TDRD7: variants seen among roughly 807,000 people sequenced by gnomAD.
TDRD7 encodes the protein tudor domain containing 7.
Under a neutral mutation model 109.8 loss-of-function variants are expected in TDRD7, and 47 were observed. The ratio of observed to expected loss-of-function variants is 0.43; its 90% CI spans 0.34 to 0.55. TDRD7 has a LOEUF of 0.55. Among genes scored for constraint, TDRD7 ranks in the 20% least tolerant of loss-of-function variants. The pLI is 0.03. For missense variants in TDRD7, 1,164 were observed against 1,319.2 expected (o/e 0.88, Z 1.82); for synonymous variants, 424 against 457.3 (o/e 0.93, Z 0.93).
At chr9:97,430,086 G>A (rs1485642139) in intron 2 of TDRD7, among the ~76,000 whole-genome samples, 2 of 152,074 alleles carry the variant, frequency 1.3e-5, no homozygotes, top group African/African-American at 4.8e-5. Context: ...AAGCCTCATT[G>A]TTTTCCTGTT....
chr9:97,420,363 T>TG (rs1445618916), intron 1 of TDRD7, among the ~76,000 whole-genome samples: 3 of 5,036 alleles, frequency 6.0e-4, no homozygotes, highest in Admixed American at 3.3e-3. Flanking sequence ...GAACTTTTTT[T>TG]TGGGGGGGGC....
chr9:97,432,898 TTTA>T (rs1481338212), intron 4 of TDRD7, among the ~76,000 whole-genome samples: 1 of 152,162 alleles, frequency 6.6e-6, no homozygotes, highest in African/African-American at 2.4e-5. Flanking sequence ...TAAATTAAGT[TTTA>T]TTAGAACATG....
At chr9:97,438,211 T>C (rs1828237447) in intron 4 of TDRD7, among the ~76,000 whole-genome samples, 1 of 152,194 alleles carries the variant, frequency 6.6e-6, no homozygotes, top group Admixed American at 6.5e-5. Context: ...TATATTAATA[T>C]AGAAATAGGA....
chr9:97,419,038 A>G (rs1047943119), intron 1 of TDRD7, among the ~76,000 whole-genome samples: 1 of 152,212 alleles, frequency 6.6e-6, no homozygotes, highest in South Asian at 2.1e-4. Flanking sequence ...AGATATATTG[A>G]ACAGTCTAAT....
intron 6 of TDRD7, among the ~76,000 whole-genome samples, chr9:97,459,565 A>G (rs1828673976): frequency 1.3e-5 from 2 of 152,246 alleles, no homozygotes. Context: ...TGGCATGCAA[A>G]TGAAATTCAA....
chr9:97,439,145 A>T, intron 4 of TDRD7, 100 bp from the exon 5 acceptor site: 1 of 786,102 alleles, frequency 1.3e-6, no homozygotes, highest in Non-Finnish European at 1.9e-6. Flanking sequence ...TTTTGCTGTT[A>T]AATGCCACTG....
At chr9:97,454,017 A>G (rs1377830504) in intron 6 of TDRD7, among the ~76,000 whole-genome samples, 1 of 152,206 alleles carries the variant, frequency 6.6e-6, no homozygotes, top group Non-Finnish European at 1.5e-5. Context: ...GATATTCAGG[A>G]CTTGAACTCA....
intron 15 of TDRD7, among the ~76,000 whole-genome samples, chr9:97,486,783 C>G (rs1208331938): frequency 6.6e-6 from 1 of 152,090 alleles, no homozygotes; most frequent in Non-Finnish European, 1.5e-5. Context: ...AAGCATGTAC[C>G]ATATCCAAAC....
chr9:97,450,045 G>A (rs182605769), intron 6 of TDRD7, among the ~76,000 whole-genome samples: 99 of 152,186 alleles, frequency 6.5e-4, no homozygotes, highest in Admixed American at 8.5e-4. Flanking sequence ...ATGAACTTAC[G>A]GGAATAGAAA....
rs1236015928 is a variant in TDRD7, at chr9:97,487,354, C to T, written c.3076+22C>T. ...GCAGGTAATTTCTGTGGAATCTGAA[C>T]TCATGCTACAACAATGCAATATTGT... is the stretch of plus-strand genomic sequence containing the variant. On this transcript the variant is annotated intron_variant, in intron 16 of 16. Transcript: ENST00000355295. The T allele has an allele frequency of 1.9e-6, 3 of 1,613,692 alleles. No homozygotes were observed. The Admixed American group carries it at 5.0e-5, about 27-fold the overall frequency.
At position 97,469,318 on chromosome 9, in the gene TDRD7, A is replaced by G. The variant is rs117373710; in HGVS notation, c.1630-1240A>G. 7.9e-4 allele frequency among the ~76,000 whole-genome samples: 121 copies of G among 152,340 alleles called. No homozygotes were observed. The East Asian group carries it at 0.02, about 25-fold the overall frequency. ...CAGCTGCCTGACATGCAGCCCTACC[A>G]GCGATCTAGGCCTAAGTCAGTGTTG... is the stretch of plus-strand genomic sequence containing the variant. On this transcript the variant is annotated intron_variant, in intron 8 of 16. Coordinates refer to ENST00000355295, the MANE Select transcript of TDRD7 (RefSeq NM_014290.3).
At chr9:97,473,381 G>T (rs1828955098) in intron 10 of TDRD7, 111 bp from the exon 11 acceptor site, 4 of 1,447,938 alleles carry the variant, frequency 2.8e-6, no homozygotes, top group Non-Finnish European at 3.9e-6. Context: ...CTAACTTAAA[G>T]ATTTTAAAAT....
chr9:97,433,419 A>G (rs1460170225), intron 4 of TDRD7, among the ~76,000 whole-genome samples: 3 of 152,074 alleles, frequency 2.0e-5, no homozygotes, highest in East Asian at 1.9e-4. Context: ...TGACAGAGGT[A>G]TTCTCTGGTT....
At chr9:97,436,107 T>C (rs1035479090) in intron 4 of TDRD7, among the ~76,000 whole-genome samples, 6 of 152,184 alleles carry the variant, frequency 3.9e-5, no homozygotes, top group Non-Finnish European at 8.8e-5. Context: ...ATGGCATGGC[T>C]AGTTTCCTGT....
chr9:97,447,032 T>C (rs78991009), intron 6 of TDRD7, among the ~76,000 whole-genome samples: 1 of 152,208 alleles, frequency 6.6e-6, no homozygotes, highest in Non-Finnish European at 1.5e-5. Context: ...TTATTTTCCA[T>C]TTTTTCACCA....
rs139039968 is a variant in TDRD7, at chr9:97,481,653, G to A, written c.2412+715G>A. Among the ~76,000 whole-genome samples, 213 of 152,252 alleles carry A rather than the reference G, an allele frequency of 1.4e-3. 1 individual carries two copies. The highest frequency in any genetic ancestry group is 4.9e-3 in the African/African-American group (205 of 41,546). ...TTTGTATTCCTCTGGGGTTTATAGTGTACAATTACATGCTTAATTATATAC... is the reference window on the plus strand; with the variant it reads ...TTTGTATTCCTCTGGGGTTTATAGTATACAATTACATGCTTAATTATATAC... On this transcript the variant is annotated intron_variant, in intron 14 of 16. Transcript: ENST00000355295.
At chr9:97,452,162 C>T (rs1828506735) in intron 6 of TDRD7, among the ~76,000 whole-genome samples, 2 of 152,032 alleles carry the variant, frequency 1.3e-5, no homozygotes, top group Admixed American at 6.6e-5. Context: ...TGCAGTGAGT[C>T]GAGATTGCGC....
Position 97,480,866 on chromosome 9 carries a change from T to G in TDRD7, c.2340T>G (p.Ile780Met), listed in dbSNP as rs767538479. The part of the protein sequence containing the change: ...KCCLADLPQS[I>M]GMWTPDAVLW... Reference sequence around the variant, plus strand: ...GTTTAGCAGATCTTCCACAATCTATTGGCATGTGGACACCAGATGCAGTGC... The same window carrying G: ...GTTTAGCAGATCTTCCACAATCTATGGGCATGTGGACACCAGATGCAGTGC... Residue 780 changes from isoleucine (I) to methionine (M), a missense_variant, in exon 14 of 17, where the codon ATT (isoleucine) becomes ATG (methionine). Physicochemically the swap from Ile to Met is conservative, Grantham distance 10 (BLOSUM62 1). Coordinates refer to ENST00000355295, the MANE Select transcript of TDRD7 (RefSeq NM_014290.3). 6.2e-7 allele frequency: 1 copy of G among 1,614,144 alleles called. No homozygotes were observed. Among genetic ancestry groups the G allele is most frequent in the South Asian group, 1.1e-5 (1 of 91,086 alleles).
At chr9:97,477,710 A>G (rs1829046347) in intron 12 of TDRD7, among the ~76,000 whole-genome samples, 1 of 152,034 alleles carries the variant, frequency 6.6e-6, no homozygotes. Flanking sequence ...TATTCTTGAT[A>G]GTTATACAAA....
Sources: allele counts gnomAD v4.1 joint callset (sites outside exome capture counted in the v4.1 genomes callset), GRCh38; gene constraint gnomAD v4.1.1; transcripts MANE v1.5; gene names NCBI Gene and HGNC (gene_info 2026-07-23, HGNC 2026-07-21).